The following C11orf54 variants were observed in gnomAD, a reference collection of about 807,000 sequenced individuals.
C11orf54 encodes beta-keto L-gulonate decarboxylase.
Under a neutral mutation model 35.5 loss-of-function variants are expected in C11orf54, and 29 were observed. The ratio of observed to expected loss-of-function variants is 0.82; its 90% CI spans 0.61 to 1.11. The LOEUF is 1.11. Ranked by LOEUF, C11orf54 falls within the 50% of genes most tolerant of loss-of-function variation. The pLI is 0.00. For synonymous variants in C11orf54, 108 were observed against 121.1 expected (o/e 0.89, Z 0.71); for missense variants, 373 against 369.2 (o/e 1.01, Z -0.08).
rs923241572 is a variant in C11orf54, at chr11:93,762,739, A to T, written c.*1051A>T. ...ACTGGTTATTTGCAAGAGAAGGGGT[A>T]AAAAAACAGCATCAGAGTGCAACAC... is the stretch of plus-strand genomic sequence containing the variant. On this transcript the variant is annotated 3_prime_UTR_variant, in exon 9 of 9. Transcript: ENST00000354421. The T allele has an allele frequency of 7.0e-6, 1 of 142,312 alleles. No homozygotes were observed. Among genetic ancestry groups the T allele is most frequent in the African/African-American group, 3.1e-5 (1 of 32,070 alleles). The allele number at this position is 142,312 out of a possible 1,614,324, so 8.8% of individuals were successfully genotyped here. A position where few individuals can be genotyped will look rare whatever the true frequency, so the allele number is the denominator to read the frequency against.
chr11:93,753,085 C>T (rs1942933272), intron 3 of C11orf54, among the ~76,000 whole-genome samples: 1 of 152,112 alleles, frequency 6.6e-6, no homozygotes, highest in African/African-American at 2.4e-5. Flanking sequence ...CGGGTTCAAG[C>T]AATCCTCCTG....
intron 5 of C11orf54, 79 bp downstream of exon 5, chr11:93,754,116 C>T: frequency 8.2e-7 from 1 of 1,218,278 alleles, no homozygotes. Flanking sequence ...GCCAAAAATC[C>T]TACTTTCTGA....
chr11:93,760,147 G>A (rs565241737), intron 8 of C11orf54, among the ~76,000 whole-genome samples: 6 of 152,262 alleles, frequency 3.9e-5, no homozygotes, highest in Admixed American at 2.6e-4. Flanking sequence ...GTTTCACCAC[G>A]TTGGTCAGGC....
chr11:93,760,689 C>T (rs1163368574), intron 8 of C11orf54, among the ~76,000 whole-genome samples: 7 of 151,984 alleles, frequency 4.6e-5, no homozygotes, highest in African/African-American at 1.5e-4. Flanking sequence ...GACAGAGTCT[C>T]GCTCTGTTGC....
chr11:93,749,514 A>AAC (rs1942693220), intron 2 of C11orf54, among the ~76,000 whole-genome samples: 1 of 150,988 alleles, frequency 6.6e-6, no homozygotes, highest in Non-Finnish European at 1.5e-5. Flanking sequence ...CAAAAAAAAA[A>AAC]AAAAAAAAAA....
chr11:93,749,994 A>G (rs1942726755), intron 2 of C11orf54, among the ~76,000 whole-genome samples: 1 of 152,140 alleles, frequency 6.6e-6, no homozygotes. Flanking sequence ...CCTTCACTGA[A>G]GTTGTTACAT....
chr11:93,745,090 A>G (rs933667022), intron 1 of C11orf54, among the ~76,000 whole-genome samples: 1 of 152,228 alleles, frequency 6.6e-6, no homozygotes, highest in Non-Finnish European at 1.5e-5. Context: ...TGCTGCCAGC[A>G]TATCTCCCCT....
chr11:93,753,579 T>C, intron 3 of C11orf54, 103 bp from the exon 4 acceptor site: 1 of 988,916 alleles, frequency 1.0e-6, no homozygotes, highest in Non-Finnish European at 1.5e-6. Context: ...TGTAAAACTT[T>C]ATGATAATGG....
At chr11:93,753,591 G>A in intron 3 of C11orf54, 91 bp from the exon 4 acceptor site, 1 of 1,070,252 alleles carries the variant, frequency 9.3e-7, no homozygotes, top group South Asian at 1.4e-5. Context: ...TGATAATGGA[G>A]AAGTTATATA....
At chr11:93,757,263 C>T (rs1943203787) in intron 6 of C11orf54, 53 bp from the exon 7 acceptor site, 1 of 1,530,692 alleles carries the variant, frequency 6.5e-7, no homozygotes, top group South Asian at 1.2e-5. Flanking sequence ...TGTTTTATTT[C>T]AGTAGTTATT....
chr11:93,750,157 T>C (rs1489522295), intron 2 of C11orf54, among the ~76,000 whole-genome samples, 189 bp from the exon 3 acceptor site: 1 of 152,236 alleles, frequency 6.6e-6, no homozygotes, highest in African/African-American at 2.4e-5. Flanking sequence ...TATTTATATA[T>C]CTTAGTCTAC....
At chr11:93,756,352 G>T (rs1285683091) in intron 6 of C11orf54, among the ~76,000 whole-genome samples, 3 of 150,454 alleles carry the variant, frequency 2.0e-5, no homozygotes, top group African/African-American at 7.3e-5. Flanking sequence ...AATTAGCCAG[G>T]TGTGGTGGTA....
chr11:93,750,310 C>T lies in C11orf54; in HGVS notation c.56-36C>T. 1.9e-6 allele frequency: 3 copies of T among 1,575,216 alleles called. No individual in the cohort carries two copies. In the South Asian group the frequency reaches 3.4e-5, roughly 18 times the overall value. Reference sequence around the variant, plus strand: ...TGATACGTGGTAGCCAAGTTTTTACCTAATGTTAAATAATCTTATTCCTTG... The same window carrying T: ...TGATACGTGGTAGCCAAGTTTTTACTTAATGTTAAATAATCTTATTCCTTG... On this transcript the variant is annotated intron_variant, in intron 2 of 8. Transcript: ENST00000354421.
rs760902154 is a variant in C11orf54, at chr11:93,761,494, ATTGT to A, written c.775-16_775-13del. The A allele has an allele frequency of 1.3e-6, 2 of 1,579,070 alleles. No individual in the cohort carries two copies. The highest frequency in any genetic ancestry group is 1.7e-6 in the Non-Finnish European group (2 of 1,164,044). On this transcript the variant is annotated splice_polypyrimidine_tract_variant and intron_variant, in intron 8 of 8. Transcript: ENST00000354421. ...TAATCAATAATTTGAGTACTAACAT[ATTGT>A]TTGTCTGTTATCTTAGGGGTTTGAT...
chr11:93,748,373 C>G (rs1181380298), intron 2 of C11orf54, among the ~76,000 whole-genome samples: 2 of 152,042 alleles, frequency 1.3e-5, no homozygotes, highest in Non-Finnish European at 2.9e-5. Flanking sequence ...CTCTTGAACT[C>G]CTGGCCTCAC....
rs1210875176 is a variant in C11orf54 at position 93,763,418 on chromosome 11, G to C, written c.*1730G>C. ...TTTGTGGCCATCCCGCACTGAGACA[G>C]GATGCATTCCACACTCAAAATTTGG... On this transcript the variant is annotated 3_prime_UTR_variant, in exon 9 of 9. Transcript: ENST00000354421. The C allele has an allele frequency of 6.6e-6, 1 of 152,096 alleles. No individual in the cohort carries two copies. The highest frequency in any genetic ancestry group is 1.5e-5 in the Non-Finnish European group (1 of 68,030). 9.4% of individuals were successfully genotyped at this position (152,096 alleles called of 1,614,324 possible).
chr11:93,761,602 G>C lies in C11orf54; in HGVS notation c.862G>C (p.Val288Leu). 1 of 1,612,816 alleles carries C rather than the reference G, an allele frequency of 6.2e-7. No individual in the cohort carries two copies. Residue 288 changes from valine to leucine, a missense_variant, in exon 9 of 9, where the codon GTG becomes CTG. Transcript: ENST00000354421. ...HYHYDTTPDI[V>L]EYLGYFLPAE... ...CCATTATGACACTACTCCAGATATAGTGGAATATCTTGGATACTTCTTACC... is the reference window on the plus strand; with the variant it reads ...CCATTATGACACTACTCCAGATATACTGGAATATCTTGGATACTTCTTACC...
At chr11:93,747,746 A>C (rs913218111) in intron 2 of C11orf54, among the ~76,000 whole-genome samples, 4 of 152,216 alleles carry the variant, frequency 2.6e-5, no homozygotes, top group African/African-American at 9.6e-5. Flanking sequence ...TAGTAATCCA[A>C]GACTTAAGCA....
At chr11:93,759,914 G>A in intron 8 of C11orf54, 56 bp downstream of exon 8, 1 of 1,101,070 alleles carries the variant, frequency 9.1e-7, no homozygotes, top group South Asian at 1.7e-5. Context: ...TGATTTTTAG[G>A]ATAATCTTTA....
Sources: allele counts gnomAD v4.1 joint callset (sites outside exome capture counted in the v4.1 genomes callset), GRCh38; gene constraint gnomAD v4.1.1; transcripts MANE v1.5; gene names NCBI Gene and HGNC (gene_info 2026-07-23, HGNC 2026-07-21).